ERC2: variants seen among roughly 807,000 people sequenced by gnomAD.
ERC2 encodes ERC protein 2.
ERC2 carries 42 observed loss-of-function variants against 114.8 expected under a neutral mutation model. The ratio of observed to expected loss-of-function variants is 0.37; its 90% CI spans 0.29 to 0.47. The LOEUF is 0.47. ERC2 is among the 20% of genes least tolerant of loss of function. The pLI is 0.99. For synonymous variants in ERC2, 454 were observed against 425.5 expected (o/e 1.07, Z -0.82); for missense variants, 939 against 1,150.7 (o/e 0.82, Z 2.66).
rs146788684 is a variant in ERC2, at chr3:56,065,642, G to T, written c.1641+15175C>A. On this transcript the variant is annotated intron_variant, in intron 7 of 17. Coordinates refer to ENST00000288221, the MANE Select transcript of ERC2 (RefSeq NM_015576.3). ...CTGCACCTATCAATCCAACACCTAG[G>T]TATTAAGCCCAGTGTGCATTAGCTA... Among the ~76,000 whole-genome samples the T allele has an allele frequency of 2.5e-3, 373 of 152,086 alleles. 2 individuals carry two copies. Among genetic ancestry groups the T allele is most frequent in the African/African-American group, 8.5e-3 (354 of 41,478 alleles).
intron 3 of ERC2, among the ~76,000 whole-genome samples, chr3:56,213,176 G>C (rs1216936796): frequency 6.6e-6 from 1 of 152,200 alleles, no homozygotes; most frequent in Non-Finnish European, 1.5e-5. Context: ...GTGCAGGACA[G>C]TGGGTGCGGT....
At chr3:55,641,679 C>G (rs2148656441) in intron 17 of ERC2, among the ~76,000 whole-genome samples, 1 of 151,306 alleles carries the variant, frequency 6.6e-6, no homozygotes, top group African/African-American at 2.4e-5. Context: ...TGTATAGGTT[C>G]CTATTTCTTG....
intron 14 of ERC2, among the ~76,000 whole-genome samples, chr3:55,868,536 C>T (rs2062429755): frequency 6.6e-6 from 1 of 152,240 alleles, no homozygotes; most frequent in Non-Finnish European, 1.5e-5. Context: ...CTCCCTCCCT[C>T]CCGGCTGATT....
At chr3:56,161,138 G>A (rs4393875) in intron 4 of ERC2, among the ~76,000 whole-genome samples, 3 of 152,036 alleles carry the variant, frequency 2.0e-5, no homozygotes, top group Non-Finnish European at 4.4e-5. Flanking sequence ...AAAAAGAGTC[G>A]GGGCCCTCCT....
chr3:56,067,141 T>A (rs547089280), intron 7 of ERC2, among the ~76,000 whole-genome samples: 5 of 152,346 alleles, frequency 3.3e-5, no homozygotes, highest in Admixed American at 1.3e-4. Flanking sequence ...TAAATTACTT[T>A]GGGCAGCATG....
chr3:56,376,285 C>T (rs973752800), intron 2 of ERC2, among the ~76,000 whole-genome samples: 2 of 152,172 alleles, frequency 1.3e-5, no homozygotes, highest in African/African-American at 4.8e-5. Context: ...CAAACTCTCT[C>T]AGACTTACCC....
chr3:56,121,317 C>G (rs1192761720), intron 6 of ERC2, among the ~76,000 whole-genome samples: 2 of 152,034 alleles, frequency 1.3e-5, no homozygotes, highest in African/African-American at 2.4e-5. Flanking sequence ...TGCATTAACT[C>G]GTATTGTCTT....
At chr3:56,186,534 T>G (rs145112090) in intron 3 of ERC2, among the ~76,000 whole-genome samples, 19 of 152,210 alleles carry the variant, frequency 1.2e-4, no homozygotes, top group African/African-American at 4.6e-4. Flanking sequence ...TGTTTGTTTG[T>G]TTTGTTTTGT....
At chr3:55,614,539 A>G (rs2148577690) in intron 17 of ERC2, among the ~76,000 whole-genome samples, 1 of 152,278 alleles carries the variant, frequency 6.6e-6, no homozygotes, top group African/African-American at 2.4e-5. Flanking sequence ...ATTTTTTCTG[A>G]TAAAATTAAA....
chr3:55,905,578 C>T (rs2064386776), intron 13 of ERC2, among the ~76,000 whole-genome samples: 1 of 151,700 alleles, frequency 6.6e-6, no homozygotes, highest in South Asian at 2.1e-4. Flanking sequence ...ACAGAGCAGA[C>T]TAAGGAATTT....
chr3:55,868,980 T>A (rs1407360664), intron 14 of ERC2, among the ~76,000 whole-genome samples: 2 of 152,180 alleles, frequency 1.3e-5, no homozygotes, highest in Non-Finnish European at 2.9e-5. Flanking sequence ...TCTGGGAGCC[T>A]CTTTCATTGT....
At chr3:56,405,323 A>C (rs558152955) in intron 2 of ERC2, among the ~76,000 whole-genome samples, 4 of 152,176 alleles carry the variant, frequency 2.6e-5, no homozygotes, top group Admixed American at 2.6e-4. Context: ...GGGTGCCTAT[A>C]ATCCCAGCTA....
At chr3:56,301,404 G>A (rs575661443) in intron 2 of ERC2, among the ~76,000 whole-genome samples, 3 of 152,018 alleles carry the variant, frequency 2.0e-5, no homozygotes, top group Admixed American at 2.0e-4. Context: ...GATTTTTGAG[G>A]AAAATACATA....
chr3:55,972,665 C>T (rs988055891), intron 12 of ERC2, among the ~76,000 whole-genome samples: 1 of 152,114 alleles, frequency 6.6e-6, no homozygotes, highest in African/African-American at 2.4e-5. Flanking sequence ...TTTTCTTTAT[C>T]GAGTATAACA....
intron 2 of ERC2, among the ~76,000 whole-genome samples, chr3:56,374,717 GGGACAGAAGGCA>G: frequency 6.6e-6 from 1 of 152,178 alleles, no homozygotes; most frequent in East Asian, 1.9e-4. Context: ...GCGCTTCTGT[GGGACAGAAGGCA>G]GGAAAGAAGA....
At chr3:55,734,349 A>G (rs545383323) in intron 15 of ERC2, among the ~76,000 whole-genome samples, 1 of 152,292 alleles carries the variant, frequency 6.6e-6, no homozygotes, top group African/African-American at 2.4e-5. Flanking sequence ...TGAAACCTAA[A>G]AACCTGGATG....
intron 14 of ERC2, among the ~76,000 whole-genome samples, chr3:55,773,275 C>T (rs1452894867): frequency 3.3e-5 from 5 of 152,178 alleles, no homozygotes; most frequent in African/African-American, 1.2e-4. Flanking sequence ...TTTGCACTGG[C>T]CATGCCCTCT....
intron 1 of ERC2, among the ~76,000 whole-genome samples, chr3:56,453,873 C>T (rs1016660644): frequency 6.6e-6 from 1 of 152,100 alleles, no homozygotes; most frequent in African/African-American, 2.4e-5. Flanking sequence ...TGAATGCCAG[C>T]GAGCATCAAT....
intron 2 of ERC2, among the ~76,000 whole-genome samples, chr3:56,420,114 T>G (rs1480627572): frequency 5.9e-5 from 9 of 151,730 alleles, no homozygotes; most frequent in African/African-American, 2.2e-4. Context: ...TTAATTTCTT[T>G]CCATTCCTTC....
Sources: gnomAD v4.1 joint callset for allele counts (sites outside exome capture counted in the v4.1 genomes callset) on GRCh38, gnomAD v4.1.1 for gene constraint, MANE v1.5 for transcripts, NCBI Gene and HGNC (gene_info 2026-07-23, HGNC 2026-07-21) for gene names.